The following NSMCE2 variants were observed in gnomAD, a reference collection of about 807,000 sequenced individuals.
NSMCE2 encodes NSE2 SUMO ligase component of SMC5/6 complex.
A neutral mutation model predicts 23.8 loss-of-function variants in NSMCE2; 24 were observed. The observed-to-expected ratio is 1.01, with a 90% CI of 0.73 to 1.42. NSMCE2 has a LOEUF of 1.42. NSMCE2 is among the 40% of genes most tolerant of loss of function. The pLI is 0.00. For synonymous variants in NSMCE2, 92 were observed against 94.1 expected (o/e 0.98, Z 0.13); for missense variants, 284 against 296.5 (o/e 0.96, Z 0.31).
At chr8:125,116,252 A>C (rs1200791275) in intron 3 of NSMCE2, among the ~76,000 whole-genome samples, 3 of 152,216 alleles carry the variant, frequency 2.0e-5, no homozygotes, top group Non-Finnish European at 4.4e-5. Context: ...GACCAAGGTC[A>C]CAGCTAACAA....
At chr8:125,322,944 A>C (rs1437705660) in intron 5 of NSMCE2, among the ~76,000 whole-genome samples, 1 of 152,218 alleles carries the variant, frequency 6.6e-6, no homozygotes, top group Non-Finnish European at 1.5e-5. Flanking sequence ...CTGTGATCCC[A>C]CCTACTTGGG....
chr8:125,361,672 A>G (rs978032725), intron 7 of NSMCE2, among the ~76,000 whole-genome samples: 1 of 152,214 alleles, frequency 6.6e-6, no homozygotes, highest in South Asian at 2.1e-4. Flanking sequence ...GAGTAGCAAA[A>G]GCACTTAGTT....
intron 3 of NSMCE2, among the ~76,000 whole-genome samples, chr8:125,150,917 T>C (rs1410604890): frequency 1.3e-5 from 2 of 152,210 alleles, no homozygotes; most frequent in Non-Finnish European, 2.9e-5. Flanking sequence ...TCTTTTCTTC[T>C]TTCCAACCTA....
intron 3 of NSMCE2, among the ~76,000 whole-genome samples, chr8:125,105,278 C>T (rs1390175908): frequency 2.0e-5 from 3 of 152,150 alleles, no homozygotes; most frequent in African/African-American, 4.8e-5. Context: ...ATGTTTTAAC[C>T]CTACCCAGTC....
At chr8:125,316,679 C>T (rs1168539617) in intron 5 of NSMCE2, among the ~76,000 whole-genome samples, 873 of 79,244 alleles carry the variant, frequency 0.011, 47 homozygotes, top group Admixed American at 0.032. Context: ...TCTTTCCTTC[C>T]TTCTTATCTT....
chr8:125,247,978 A>G (rs1177932087), intron 5 of NSMCE2, among the ~76,000 whole-genome samples: 3 of 152,244 alleles, frequency 2.0e-5, no homozygotes, highest in African/African-American at 4.8e-5. Context: ...TAATAAGTGC[A>G]TGGAAGATTT....
intron 5 of NSMCE2, among the ~76,000 whole-genome samples, chr8:125,324,355 A>G (rs921005782): frequency 6.6e-6 from 1 of 152,068 alleles, no homozygotes; most frequent in Non-Finnish European, 1.5e-5. Flanking sequence ...CTTCTACTAC[A>G]CAAATGTTCA....
chr8:125,161,188 C>T (rs891381983), intron 4 of NSMCE2, among the ~76,000 whole-genome samples: 1 of 152,146 alleles, frequency 6.6e-6, no homozygotes, highest in African/African-American at 2.4e-5. Context: ...GTTTCTCTCT[C>T]ACAGCATCAA....
chr8:125,275,959 G>A lies in NSMCE2; in HGVS notation c.419-81260G>A, dbSNP rs557110220. Among the ~76,000 whole-genome samples, 8 of 152,270 alleles carry A rather than the reference G, an allele frequency of 5.3e-5. No homozygotes were observed. In the East Asian group the frequency reaches 1.2e-3, roughly 22 times the overall value. ...AATTCCAGCCTTAGCCAATGTCTTA[G>A]AGTAGTCACTGGCACCCTATATTCC... On this transcript the variant is annotated intron_variant, in intron 5 of 7. Transcript: ENST00000287437.
rs1446202821 is a variant in NSMCE2, at chr8:125,242,580, A to G, written c.418+60324A>G. Among the ~76,000 whole-genome samples, 5 of 152,104 alleles carry G rather than the reference A, an allele frequency of 3.3e-5. No individual in the cohort carries two copies. The East Asian group carries it at 9.6e-4, about 29-fold the overall frequency. On this transcript the variant is annotated intron_variant, in intron 5 of 7. Coordinates refer to ENST00000287437, the MANE Select transcript of NSMCE2 (RefSeq NM_173685.4). The stretch of plus-strand genomic sequence containing the variant: ...GTTAGCTTATGGTTCATCCCATGCT[A>G]AGGAGGACCCTGCCTGGAAAGTAAA...
At chr8:125,246,297 C>T (rs1220259949) in intron 5 of NSMCE2, among the ~76,000 whole-genome samples, 2 of 151,644 alleles carry the variant, frequency 1.3e-5, no homozygotes, top group Non-Finnish European at 2.9e-5. Flanking sequence ...AATTCTCCTG[C>T]CTCAGCCTCC....
chr8:125,293,839 T>TA (rs1161371319), intron 5 of NSMCE2, among the ~76,000 whole-genome samples: 9 of 152,334 alleles, frequency 5.9e-5, no homozygotes, highest in Admixed American at 4.6e-4. Flanking sequence ...CTCACCTACT[T>TA]AAAGTGTGCA....
intron 1 of NSMCE2, among the ~76,000 whole-genome samples, chr8:125,093,956 CTG>C (rs1249756937): frequency 6.6e-6 from 1 of 151,762 alleles, no homozygotes; most frequent in Non-Finnish European, 1.5e-5. Context: ...GCCACTATGT[CTG>C]TGTAAGTTTA....
At chr8:125,285,760 AC>A (rs1827868065) in intron 5 of NSMCE2, among the ~76,000 whole-genome samples, 6 of 148,418 alleles carry the variant, frequency 4.0e-5, no homozygotes, top group Non-Finnish European at 6.0e-5. Context: ...ACACACGCAC[AC>A]ACACACACAC....
intron 3 of NSMCE2, among the ~76,000 whole-genome samples, chr8:125,146,187 A>C (rs958167294): frequency 1.3e-4 from 19 of 151,950 alleles, no homozygotes; most frequent in African/African-American, 4.6e-4. Flanking sequence ...ACTTTCTCCT[A>C]CCTGAAGGTT....
intron 5 of NSMCE2, among the ~76,000 whole-genome samples, chr8:125,287,483 G>A (rs1313641711): frequency 2.6e-5 from 4 of 152,102 alleles, no homozygotes; most frequent in African/African-American, 9.7e-5. Flanking sequence ...TGCTCTCCTG[G>A]CTAGAGATAA....
intron 5 of NSMCE2, among the ~76,000 whole-genome samples, chr8:125,320,726 G>A (rs1026795718): frequency 6.6e-6 from 1 of 152,084 alleles, no homozygotes; most frequent in African/African-American, 2.4e-5. Flanking sequence ...CAACAAACCT[G>A]CATTACAAGA....
At chr8:125,228,166 G>C (rs995246076) in intron 5 of NSMCE2, among the ~76,000 whole-genome samples, 5 of 151,994 alleles carry the variant, frequency 3.3e-5, no homozygotes, top group Non-Finnish European at 5.9e-5. Flanking sequence ...GAATTATAAA[G>C]ATTAAATAAA....
chr8:125,266,252 C>T (rs7812530), intron 5 of NSMCE2, among the ~76,000 whole-genome samples: 5 of 152,090 alleles, frequency 3.3e-5, no homozygotes, highest in Middle Eastern at 3.2e-3. Context: ...CCACCACGCC[C>T]GGCTAATTTT....
Sources: allele counts gnomAD v4.1 joint callset (sites outside exome capture counted in the v4.1 genomes callset), GRCh38; gene constraint gnomAD v4.1.1; transcripts MANE v1.5; gene names NCBI Gene and HGNC (gene_info 2026-07-23, HGNC 2026-07-21).